The following ZNF532 variants were observed in gnomAD, a reference collection of about 807,000 sequenced individuals.
The protein encoded by ZNF532 is zinc finger protein 532.
In ZNF532, 22 loss-of-function variants were observed where a neutral mutation model predicts 89.3. The observed-to-expected ratio is 0.25, with a 90% CI of 0.18 to 0.35. The LOEUF (loss-of-function observed/expected upper bound fraction) is 0.35. Ranked by LOEUF, ZNF532 falls within the 10% of genes least tolerant of loss-of-function variation. ZNF532 has a pLI of 1.00. For missense variants in ZNF532, 1,132 were observed against 1,643.4 expected (o/e 0.69, Z 5.38); for synonymous variants, 606 against 649.6 (o/e 0.93, Z 1.02).
intron 7 of ZNF532, among the ~76,000 whole-genome samples, chr18:58,966,738 G>GTTT (rs540133909): frequency 4.0e-4 from 51 of 125,996 alleles, no homozygotes; most frequent in East Asian, 8.4e-4. Context: ...ATTTTTTTGT[G>GTTT]TTTTTTTTTT....
intron 2 of ZNF532, among the ~76,000 whole-genome samples, chr18:58,906,974 G>C (rs1305077377): frequency 6.6e-6 from 1 of 152,180 alleles, no homozygotes; most frequent in East Asian, 1.9e-4. Flanking sequence ...AGACCCAAAT[G>C]TCAGAGTTTT....
intron 2 of ZNF532, among the ~76,000 whole-genome samples, chr18:58,872,671 A>G (rs1315363527): frequency 6.7e-6 from 1 of 149,326 alleles, no homozygotes; most frequent in Non-Finnish European, 1.5e-5. Flanking sequence ...ATTCATCATT[A>G]CCTTCTCTCT....
intron 7 of ZNF532, among the ~76,000 whole-genome samples, chr18:58,969,315 C>T (rs1196976487): frequency 6.6e-6 from 1 of 152,194 alleles, no homozygotes; most frequent in Non-Finnish European, 1.5e-5. Context: ...CCAGCAAGTC[C>T]ATGTTAATGT....
At chr18:58,959,864 A>G (rs990539994) in intron 7 of ZNF532, among the ~76,000 whole-genome samples, 2 of 152,220 alleles carry the variant, frequency 1.3e-5, no homozygotes, top group Non-Finnish European at 1.5e-5. Flanking sequence ...AAATTTTGCT[A>G]GAAAGCAGCT....
At chr18:58,918,188 G>A (rs981994269) in intron 2 of ZNF532, 83 bp from the exon 3 acceptor site, 1 of 1,258,830 alleles carries the variant, frequency 7.9e-7, no homozygotes. Flanking sequence ...TAATCGTTAT[G>A]TTAGTGTGAA....
At chr18:58,979,580 G>T (rs1430933910) in intron 8 of ZNF532, 1 of 154,036 alleles carries the variant, frequency 6.5e-6, no homozygotes. Context: ...TAGAGACGGG[G>T]TTTCACCGTG....
intron 5 of ZNF532, among the ~76,000 whole-genome samples, chr18:58,943,582 C>T (rs1458482026): frequency 6.6e-6 from 1 of 152,060 alleles, no homozygotes; most frequent in Non-Finnish European, 1.5e-5. Context: ...CCTGCCTCAG[C>T]CTCCTGAGTA....
chr18:58,979,309 A>G, intron 8 of ZNF532, 142 bp downstream of exon 8: 2 of 529,574 alleles, frequency 3.8e-6, no homozygotes, highest in Non-Finnish European at 6.5e-6. Context: ...TTTGGCATAG[A>G]GTTTTTGGAT....
rs543913680 is a variant in ZNF532 at position 58,977,248 on chromosome 18, C to T, written c.3151-1807C>T. 4.1e-4 allele frequency among the ~76,000 whole-genome samples: 62 copies of T among 152,180 alleles called. 1 individual carries two copies. The highest frequency in any genetic ancestry group is 7.9e-4 in the Non-Finnish European group (54 of 68,036). ...ATGCTTTTTGAATGGAAGTTGGCTGCATAACTTGACTATTACAAGAGCATT... is the reference window on the plus strand; with the variant it reads ...ATGCTTTTTGAATGGAAGTTGGCTGTATAACTTGACTATTACAAGAGCATT... On this transcript the variant is annotated intron_variant, in intron 7 of 9. Transcript: ENST00000591808.
chr18:58,909,365 T>G (rs1314260677), intron 2 of ZNF532, among the ~76,000 whole-genome samples: 3 of 152,114 alleles, frequency 2.0e-5, no homozygotes, highest in Non-Finnish European at 4.4e-5. Context: ...AAGTTTGACC[T>G]CGTGTAGGGA....
rs570430337 is a variant in ZNF532, at chr18:58,942,053, C to T, written c.2705+2432C>T. Reference sequence around the variant, plus strand: ...TCTACCCCCGCCCCCCCCTCAGTCTCGCTGTGTCGCCCAGGCTGGAGTGCA... The same window carrying T: ...TCTACCCCCGCCCCCCCCTCAGTCTTGCTGTGTCGCCCAGGCTGGAGTGCA... On this transcript the variant is annotated intron_variant, in intron 5 of 9. Transcript: ENST00000591808. Among the ~76,000 whole-genome samples, 18 of 142,466 alleles carry T rather than the reference C, an allele frequency of 1.3e-4. 1 individual carries two copies. Among genetic ancestry groups the T allele is most frequent in the South Asian group, 7.4e-4 (3 of 4,070 alleles). 93.5% of individuals were successfully genotyped at this position (142,466 alleles called of 152,430 possible). A position where few individuals can be genotyped will look rare whatever the true frequency, so the allele number is the denominator to read the frequency against.
chr18:58,982,938 C>T (rs1018714788), intron 9 of ZNF532, among the ~76,000 whole-genome samples: 22 of 152,136 alleles, frequency 1.4e-4, no homozygotes, highest in Non-Finnish European at 2.8e-4. Flanking sequence ...ATGGTGAAAC[C>T]CTGTCTCTAC....
chr18:58,937,616 A>T (rs2062589397), intron 4 of ZNF532, among the ~76,000 whole-genome samples: 1 of 151,962 alleles, frequency 6.6e-6, no homozygotes, highest in African/African-American at 2.4e-5. Context: ...CCATCTTTCT[A>T]TCCTTCATGG....
intron 2 of ZNF532, among the ~76,000 whole-genome samples, chr18:58,889,834 C>T (rs1032448039): frequency 2.6e-5 from 4 of 151,818 alleles, no homozygotes; most frequent in Non-Finnish European, 1.5e-5. Flanking sequence ...CCTGTAATCC[C>T]AGCACTTTGG....
intron 2 of ZNF532, chr18:58,896,585 G>A (rs564646512): frequency 6.5e-6 from 1 of 153,542 alleles, no homozygotes; most frequent in East Asian, 1.9e-4. Flanking sequence ...CCACCCATCC[G>A]TCTGTCCATC....
chr18:58,901,658 A>G (rs946873072), intron 2 of ZNF532, among the ~76,000 whole-genome samples: 7 of 152,208 alleles, frequency 4.6e-5, no homozygotes, highest in Non-Finnish European at 8.8e-5. Context: ...ACACAAGCAG[A>G]CAACAGTACC....
chr18:58,882,317 T>G (rs1393951796), intron 2 of ZNF532, among the ~76,000 whole-genome samples: 1 of 152,088 alleles, frequency 6.6e-6, no homozygotes, highest in East Asian at 1.9e-4. Flanking sequence ...GATGCAGAGG[T>G]GTGTCTGGAG....
chr18:58,943,350 C>T (rs370461267), intron 5 of ZNF532, among the ~76,000 whole-genome samples: 12 of 151,284 alleles, frequency 7.9e-5, no homozygotes, highest in African/African-American at 2.7e-4. Flanking sequence ...TTAGTAGAGC[C>T]GGGGTTTCAC....
At chr18:58,959,883 T>G (rs1383078737) in intron 7 of ZNF532, among the ~76,000 whole-genome samples, 1 of 152,210 alleles carries the variant, frequency 6.6e-6, no homozygotes, top group Non-Finnish European at 1.5e-5. Flanking sequence ...CTCACCAAAA[T>G]GGAAGGTTCT....
Sources: gnomAD v4.1 joint callset for allele counts (sites outside exome capture counted in the v4.1 genomes callset) on GRCh38, gnomAD v4.1.1 for gene constraint, MANE v1.5 for transcripts, NCBI Gene and HGNC (gene_info 2026-07-23, HGNC 2026-07-21) for gene names.